Variants in TNNI3K observed in about 807,000 individuals in gnomAD.
The protein encoded by TNNI3K is TNNI3 interacting kinase.
In TNNI3K, 140 loss-of-function variants were observed where a neutral mutation model predicts 114.5. The ratio of observed to expected loss-of-function variants is 1.22; its 90% CI spans 1.07 to 1.41. The LOEUF (loss-of-function observed/expected upper bound fraction) is 1.41. Ranked by LOEUF, TNNI3K falls within the 40% of genes most tolerant of loss-of-function variation. The pLI, the probability that TNNI3K is intolerant of heterozygous loss-of-function variation, is 0.00. For synonymous variants in TNNI3K, 347 were observed against 347.5 expected, an observed-to-expected ratio of 1.00 and a Z score of 0.02; for missense variants, 1,125 against 1,007.6, an observed-to-expected ratio of 1.12 and a Z score of -1.58.
intron 21 of TNNI3K, chr1:74,480,393 G>A: frequency 1.4e-6 from 1 of 717,582 alleles, no homozygotes; most frequent in Non-Finnish European, 2.6e-6. Flanking sequence ...AGGGGATGGA[G>A]ATCACAAGTG....
At chr1:74,512,397 G>T (rs1210367750) in intron 23 of TNNI3K, 2 of 152,124 alleles carry the variant, frequency 1.3e-5, no homozygotes, top group African/African-American at 4.8e-5. Flanking sequence ...TGACATTCCT[G>T]TACTGATGAC....
At chr1:74,501,850 G>T (rs939462339) in intron 23 of TNNI3K, among the ~76,000 whole-genome samples, 1 of 151,952 alleles carries the variant, frequency 6.6e-6, no homozygotes, top group Non-Finnish European at 1.5e-5. Flanking sequence ...TTGTATGTGG[G>T]CTGGCAGATG....
Position 74,282,510 on chromosome 1 carries a change from TATTA to T in TNNI3K, c.444+10809_444+10812del, listed in dbSNP as rs201377460. Among the ~76,000 whole-genome samples the T allele has an allele frequency of 4.7e-3, 717 of 152,078 alleles. 5 individuals are homozygous for T. The highest frequency in any genetic ancestry group is 0.01 in the Middle Eastern group (3 of 294). On this transcript the variant is annotated intron_variant, in intron 5 of 24. Coordinates refer to ENST00000326637, the MANE Select transcript of TNNI3K (RefSeq NM_015978.3). ...ACTCTTTTTATGAGGTCACTTGTCA[TATTA>T]ATTAATGCCTACCCTAATGACCTTA...
chr1:74,438,786 C>T (rs1666246669), intron 19 of TNNI3K, among the ~76,000 whole-genome samples: 1 of 152,064 alleles, frequency 6.6e-6, no homozygotes. Flanking sequence ...GTCATCGAAA[C>T]AGAGGCTAGA....
intron 23 of TNNI3K, among the ~76,000 whole-genome samples, chr1:74,530,289 A>G (rs543404847): frequency 6.6e-6 from 1 of 152,210 alleles, no homozygotes; most frequent in South Asian, 2.1e-4. Context: ...TTTGAGAATC[A>G]CTTCTAGAGC....
At chr1:74,328,291 G>A (rs946733671) in intron 5 of TNNI3K, among the ~76,000 whole-genome samples, 2 of 152,096 alleles carry the variant, frequency 1.3e-5, no homozygotes, top group Admixed American at 6.6e-5. Flanking sequence ...AGTGGAAAGA[G>A]TGTGAAGTTG....
intron 16 of TNNI3K, 53 bp downstream of exon 16, chr1:74,369,638 T>TG: frequency 4.0e-6 from 6 of 1,510,670 alleles, no homozygotes; most frequent in Non-Finnish European, 5.3e-6. Context: ...AAACTACTCT[T>TG]GCAATACTTC....
At chr1:74,498,918 A>G (rs537625693) in intron 23 of TNNI3K, among the ~76,000 whole-genome samples, 2 of 152,368 alleles carry the variant, frequency 1.3e-5, no homozygotes, top group East Asian at 3.9e-4. Context: ...GGTAGATTTC[A>G]TGTGCAGAGC....
chr1:74,274,065 A>G (rs1490580526), intron 5 of TNNI3K, among the ~76,000 whole-genome samples: 3 of 151,968 alleles, frequency 2.0e-5, no homozygotes, highest in South Asian at 4.1e-4. Context: ...TTAATTATTT[A>G]TAGCCTACTG....
At chr1:74,481,546 C>A (rs1668502889) in intron 21 of TNNI3K, among the ~76,000 whole-genome samples, 1 of 152,224 alleles carries the variant, frequency 6.6e-6, no homozygotes, top group Admixed American at 6.5e-5. Flanking sequence ...TATATTCAAT[C>A]CAGACAACCC....
At chr1:74,475,290 C>T (rs1438212513) in intron 21 of TNNI3K, 1 of 632,984 alleles carries the variant, frequency 1.6e-6, no homozygotes, top group East Asian at 2.7e-5. Flanking sequence ...ACAAGACAAA[C>T]TCACCTTCTG....
At chr1:74,404,751 A>C (rs1321236398) in intron 17 of TNNI3K, among the ~76,000 whole-genome samples, 1 of 152,116 alleles carries the variant, frequency 6.6e-6, no homozygotes, top group Non-Finnish European at 1.5e-5. Context: ...CCTCTTTATG[A>C]ATCTCCTATA....
intron 9 of TNNI3K, 104 bp downstream of exon 9, chr1:74,343,283 T>A (rs1660842007): frequency 5.6e-6 from 7 of 1,253,902 alleles, no homozygotes; most frequent in Admixed American, 2.4e-5. Context: ...GATGTTGCAA[T>A]CAGAGAGCAA....
intron 17 of TNNI3K, among the ~76,000 whole-genome samples, chr1:74,379,102 T>C (rs1285883289): frequency 2.3e-4 from 35 of 152,052 alleles, no homozygotes; most frequent in Admixed American, 2.2e-3. Flanking sequence ...TCATTCACTT[T>C]TGTTAATTTA....
intron 21 of TNNI3K, among the ~76,000 whole-genome samples, chr1:74,479,740 G>A (rs1247624389): frequency 6.6e-6 from 1 of 152,218 alleles, no homozygotes; most frequent in African/African-American, 2.4e-5. Context: ...TGAGGAAAGA[G>A]TCTATGTCCC....
intron 23 of TNNI3K, among the ~76,000 whole-genome samples, chr1:74,520,560 T>C (rs1646417565): frequency 6.6e-6 from 1 of 151,952 alleles, no homozygotes; most frequent in African/African-American, 2.4e-5. Context: ...GACCTTTTCC[T>C]TCCTCCCTTT....
intron 23 of TNNI3K, 31 bp downstream of exon 23, chr1:74,492,297 A>G (rs200141535): frequency 2.1e-6 from 3 of 1,454,728 alleles, no homozygotes; most frequent in Non-Finnish European, 2.8e-6. Flanking sequence ...ATCTCACAGT[A>G]AAGTCTTATT....
chr1:74,245,841 T>C (rs1570363504), intron 2 of TNNI3K, among the ~76,000 whole-genome samples: 1 of 152,168 alleles, frequency 6.6e-6, no homozygotes, highest in African/African-American at 2.4e-5. Flanking sequence ...CCCAAACTTT[T>C]TTTACCCTCC....
At chr1:74,362,128 T>C (rs1326998553) in intron 11 of TNNI3K, among the ~76,000 whole-genome samples, 1 of 152,062 alleles carries the variant, frequency 6.6e-6, no homozygotes, top group African/African-American at 2.4e-5. Context: ...GGGACCAGGG[T>C]GGTCAGGAGG....
Sources: gnomAD v4.1 joint callset for allele counts (sites outside exome capture counted in the v4.1 genomes callset) on GRCh38, gnomAD v4.1.1 for gene constraint, MANE v1.5 for transcripts, NCBI Gene and HGNC (gene_info 2026-07-23, HGNC 2026-07-21) for gene names.